SPAG16: variants seen among roughly 807,000 people sequenced by gnomAD.
SPAG16 encodes sperm-associated antigen 16 protein.
A neutral mutation model predicts 80.4 loss-of-function variants in SPAG16; 86 were observed. The observed-to-expected ratio is 1.07, with a 90% confidence interval of 0.90 to 1.28. SPAG16 has a LOEUF of 1.28. Ranked by LOEUF, SPAG16 falls within the 50% of genes most tolerant of loss-of-function variation. The pLI is 0.00. For synonymous variants in SPAG16, 294 were observed against 265.9 expected (o/e 1.11, Z -1.03); for missense variants, 870 against 765.3 (o/e 1.14, Z -1.61).
chr2:213,777,908 C>G (rs904097775), intron 10 of SPAG16, among the ~76,000 whole-genome samples: 21 of 152,134 alleles, frequency 1.4e-4, no homozygotes, highest in African/African-American at 4.6e-4. Context: ...TACAGGCAAT[C>G]CAATTATACT....
chr2:213,937,176 A>C (rs1280907095), intron 12 of SPAG16, among the ~76,000 whole-genome samples: 1 of 152,070 alleles, frequency 6.6e-6, no homozygotes, highest in African/African-American at 2.4e-5. Context: ...CCGTTAATAT[A>C]TTTTATGTTC....
intron 10 of SPAG16, among the ~76,000 whole-genome samples, chr2:213,525,826 AG>A (rs529577914): frequency 3.0e-4 from 46 of 152,214 alleles, no homozygotes; most frequent in South Asian, 1.5e-3. Flanking sequence ...TAGATCTACC[AG>A]GGTAGATACA....
chr2:213,814,745 G>A (rs1009358770), intron 10 of SPAG16, among the ~76,000 whole-genome samples: 6 of 151,880 alleles, frequency 4.0e-5, no homozygotes, highest in Non-Finnish European at 8.8e-5. Flanking sequence ...AGCCGAGATC[G>A]CACCACTGCA....
intron 10 of SPAG16, among the ~76,000 whole-genome samples, chr2:213,847,625 G>A (rs2662669): frequency 0.025 from 3,824 of 152,198 alleles, 159 homozygotes; most frequent in African/African-American, 0.086. Flanking sequence ...TTCAGTATTG[G>A]GATTACATTT....
intron 10 of SPAG16, among the ~76,000 whole-genome samples, chr2:213,711,790 G>A (rs369004861): frequency 2.4e-4 from 36 of 151,818 alleles, no homozygotes; most frequent in South Asian, 2.1e-4. Context: ...AAAGTGCTGG[G>A]ATTATAGGTG....
intron 11 of SPAG16, among the ~76,000 whole-genome samples, chr2:213,904,124 C>A (rs2077334699): frequency 6.6e-6 from 1 of 152,164 alleles, no homozygotes; most frequent in Non-Finnish European, 1.5e-5. Context: ...CTTAGCCCTC[C>A]AAACTGTTCC....
chr2:213,929,015 T>C (rs1194420902), intron 11 of SPAG16, among the ~76,000 whole-genome samples: 1 of 136,314 alleles, frequency 7.3e-6, no homozygotes, highest in Non-Finnish European at 1.6e-5. Context: ...TTTTTTTTTT[T>C]TTTTTTTTTT....
chr2:213,612,970 G>A (rs1382319304), intron 10 of SPAG16, among the ~76,000 whole-genome samples: 1 of 152,114 alleles, frequency 6.6e-6, no homozygotes, highest in Non-Finnish European at 1.5e-5. Flanking sequence ...ACCGTGCCCG[G>A]CCCGAATAAT....
At chr2:213,302,917 G>A (rs56382949) in intron 3 of SPAG16, among the ~76,000 whole-genome samples, 12,229 of 152,032 alleles carry the variant, frequency 0.08, 731 homozygotes, top group South Asian at 0.15. Context: ...AGTGTCTTTA[G>A]AAATGAGAAT....
At chr2:213,727,349 A>T (rs1358329951) in intron 10 of SPAG16, among the ~76,000 whole-genome samples, 2 of 152,198 alleles carry the variant, frequency 1.3e-5, no homozygotes, top group African/African-American at 2.4e-5. Flanking sequence ...AAAATAATTT[A>T]ATGGTGATAT....
chr2:214,381,064 CT>C (rs942309010), intron 15 of SPAG16, among the ~76,000 whole-genome samples: 1 of 152,064 alleles, frequency 6.6e-6, no homozygotes, highest in African/African-American at 2.4e-5. Context: ...AGAATGCTAC[CT>C]TTTTTTCCCC....
rs780380745 is a variant in SPAG16 at position 213,937,269 on chromosome 2, TAAG to T, written c.1400+7131_1400+7133del. ...TTAATGGGTTTAAAACACGATAATG[TAAG>T]AAGAAGTATTAAGACTCAAGGGCAT... On this transcript the variant is annotated intron_variant, in intron 12 of 15. Coordinates refer to ENST00000331683, the MANE Select transcript of SPAG16 (RefSeq NM_024532.5). Among the ~76,000 whole-genome samples, 22 of 152,220 alleles carry T rather than the reference TAAG, an allele frequency of 1.4e-4. No individual in the cohort carries two copies. The East Asian group carries it at 2.1e-3, about 15-fold the overall frequency.
intron 10 of SPAG16, among the ~76,000 whole-genome samples, chr2:213,638,952 T>G (rs1187468706): frequency 6.6e-6 from 1 of 152,244 alleles, no homozygotes; most frequent in East Asian, 1.9e-4. Flanking sequence ...TTTAGGATTG[T>G]GATATTTTCC....
At chr2:214,139,511 TTTCTA>T (rs1363471762) in intron 14 of SPAG16, among the ~76,000 whole-genome samples, 3 of 152,222 alleles carry the variant, frequency 2.0e-5, no homozygotes, top group African/African-American at 7.2e-5. Context: ...ATTTCTACCT[TTTCTA>T]TTCTGTAGAA....
At chr2:214,044,819 T>C (rs909065695) in intron 13 of SPAG16, among the ~76,000 whole-genome samples, 1 of 152,204 alleles carries the variant, frequency 6.6e-6, no homozygotes, top group African/African-American at 2.4e-5. Context: ...TCAGCTGATA[T>C]CTGCCCTTGG....
chr2:213,772,054 T>C (rs2069281597), intron 10 of SPAG16, among the ~76,000 whole-genome samples: 1 of 152,216 alleles, frequency 6.6e-6, no homozygotes, highest in African/African-American at 2.4e-5. Flanking sequence ...TTGGCCATTT[T>C]CAAAACATTG....
intron 3 of SPAG16, among the ~76,000 whole-genome samples, chr2:213,301,653 A>G (rs1220554855): frequency 1.3e-5 from 2 of 152,074 alleles, no homozygotes; most frequent in Non-Finnish European, 2.9e-5. Context: ...TGCTGGTACT[A>G]TGCTTCCTTC....
At position 213,296,054 on chromosome 2, in the gene SPAG16, A is replaced by G. The variant is rs749542293; in HGVS notation, c.137-10A>G. 136 of 1,607,312 alleles carry G rather than the reference A, an allele frequency of 8.5e-5. No homozygotes were observed. Among genetic ancestry groups the G allele is most frequent in the Middle Eastern group, 8.3e-4 (5 of 6,056 alleles). ...TATTTTTTGAGATTAAAACTTGACA[A>G]GATATTCAGAGGTCACCATAACTGA... On this transcript the variant is annotated splice_polypyrimidine_tract_variant and intron_variant, in intron 1 of 15. Coordinates refer to ENST00000331683, the MANE Select transcript of SPAG16 (RefSeq NM_024532.5).
At chr2:214,175,751 C>A (rs2057059155) in intron 15 of SPAG16, among the ~76,000 whole-genome samples, 1 of 151,512 alleles carries the variant, frequency 6.6e-6, no homozygotes, top group Admixed American at 6.6e-5. Context: ...CTGGTCAGAA[C>A]AGCAAGGAGA....
Sources: gnomAD v4.1 joint callset for allele counts (sites outside exome capture counted in the v4.1 genomes callset) on GRCh38, gnomAD v4.1.1 for gene constraint, MANE v1.5 for transcripts, NCBI Gene and HGNC (gene_info 2026-07-23, HGNC 2026-07-21) for gene names.